Variants in AGL observed in about 807,000 individuals in gnomAD.
AGL encodes the protein glycogen debranching enzyme.
A neutral mutation model predicts 199.3 loss-of-function variants in AGL; 128 were observed. That is an observed-to-expected ratio of 0.64 (90% CI 0.56 to 0.74). The LOEUF is 0.74. Ranked by LOEUF, AGL falls within the 30% of genes least tolerant of loss-of-function variation. AGL has a pLI of 0.00. For missense variants in AGL, 1,809 were observed against 1,820.8 expected, an observed-to-expected ratio of 0.99 and a Z score of 0.12; for synonymous variants, 584 against 594.7, an observed-to-expected ratio of 0.98 and a Z score of 0.26.
intron 4 of AGL, among the ~76,000 whole-genome samples, chr1:99,862,948 A>T (rs941159969): frequency 4.0e-5 from 6 of 151,772 alleles, no homozygotes; most frequent in Non-Finnish European, 8.8e-5. Flanking sequence ...TATTAAAAAA[A>T]AATTTTTTTT....
intron 5 of AGL, among the ~76,000 whole-genome samples, chr1:99,867,950 G>A (rs1243160942): frequency 6.6e-6 from 1 of 152,156 alleles, no homozygotes; most frequent in Non-Finnish European, 1.5e-5. Flanking sequence ...GAACCCATTT[G>A]CCCTGGAAAA....
At chr1:99,917,153 C>CA (rs1655185805) in intron 33 of AGL, among the ~76,000 whole-genome samples, 1 of 152,000 alleles carries the variant, frequency 6.6e-6, no homozygotes, top group Non-Finnish European at 1.5e-5. Context: ...CCTGTTAGTT[C>CA]AAAAAACATT....
Position 99,923,044 on chromosome 1 carries a change from T to A in AGL, c.*1393T>A. On this transcript the variant is annotated 3_prime_UTR_variant, in exon 34 of 34. Transcript: ENST00000361915. ...GCTTGAAAGCTCGTGTAATTTACTT[T>A]AAGATTATCTGCCTGCTCTTCTTCA... 1 of 152,252 alleles carries A rather than the reference T, an allele frequency of 6.6e-6. No homozygotes were observed. Among genetic ancestry groups the A allele is most frequent in the East Asian group, 1.9e-4 (1 of 5,182 alleles). The allele number at this position is 152,252 out of a possible 1,614,324, so 9.4% of individuals were successfully genotyped here. A position where few individuals can be genotyped will look rare whatever the true frequency, so the allele number is the denominator to read the frequency against.
intron 10 of AGL, among the ~76,000 whole-genome samples, chr1:99,875,686 T>C (rs1021500752): frequency 5.3e-5 from 8 of 152,204 alleles, no homozygotes; most frequent in African/African-American, 1.9e-4. Context: ...TATTTAATGT[T>C]TCTGGAGGAC....
At position 99,862,375 on chromosome 1, in the gene AGL, G is replaced by A. The variant is rs747039991; in HGVS notation, c.412G>A (p.Gly138Arg). 2 of 1,613,940 alleles carry A rather than the reference G, an allele frequency of 1.2e-6. No homozygotes were observed. Among genetic ancestry groups the A allele is most frequent in the East Asian group, 4.5e-5 (2 of 44,856 alleles). Residue 138 changes from glycine (G) to arginine (R), a missense_variant, in exon 4 of 34, where the codon GGA (glycine) becomes AGA (arginine). Physicochemically the swap from Gly to Arg is moderately radical, Grantham distance 125. Transcript: ENST00000361915. Reference sequence around the variant, plus strand: ...TCAGACATTTTTAGCTAAGTGTTTGGGACCTTTTGATGAATGGGAAAGCAG... The same window carrying A: ...TCAGACATTTTTAGCTAAGTGTTTGAGACCTTTTGATGAATGGGAAAGCAG... ...TLQTFLAKCL[G>R]PFDEWESRLR...
At chr1:99,852,478 T>C in intron 2 of AGL, 2 of 569,056 alleles carry the variant, frequency 3.5e-6, no homozygotes, top group South Asian at 4.2e-5. Context: ...CAAGCAGTTC[T>C]CCTGCCTCAG....
intron 10 of AGL, 105 bp downstream of exon 10, chr1:99,875,560 A>G (rs1651452668): frequency 4.2e-6 from 4 of 948,944 alleles, no homozygotes; most frequent in South Asian, 1.4e-5. Context: ...AGTTCAGTAC[A>G]TTTCTTAAAT....
intron 2 of AGL, among the ~76,000 whole-genome samples, chr1:99,853,167 A>G (rs1259955240): frequency 1.3e-5 from 2 of 152,182 alleles, no homozygotes; most frequent in African/African-American, 4.8e-5. Context: ...TTTGTTATTA[A>G]GTGGTATGTA....
At position 99,884,067 on chromosome 1, in the gene AGL, AT is replaced by A. The variant is rs1370528223; in HGVS notation, c.2309-49del. 3 of 1,498,858 alleles carry A rather than the reference AT, an allele frequency of 2.0e-6. No homozygotes were observed. In the African/African-American group the frequency reaches 4.1e-5, roughly 21 times the overall value. The allele number at this position is 1,498,858 out of a possible 1,614,324, so 92.8% of individuals were successfully genotyped here. A position where few individuals can be genotyped will look rare whatever the true frequency, so the allele number is the denominator to read the frequency against. The stretch of plus-strand genomic sequence containing the variant: ...ATTTGAAACCACTTTAGCCTTCCTA[AT>A]TTTGGATGATTCCATATGAAATTTT... On this transcript the variant is annotated intron_variant, in intron 17 of 33. Coordinates refer to ENST00000361915, the MANE Select transcript of AGL (RefSeq NM_000642.3).
chr1:99,880,337 C>G (rs1651908644), intron 13 of AGL, among the ~76,000 whole-genome samples: 4 of 152,132 alleles, frequency 2.6e-5, no homozygotes. Context: ...TTTTCATCTT[C>G]TACTGGGAGA....
At chr1:99,903,071 C>T (rs1653971826) in intron 27 of AGL, among the ~76,000 whole-genome samples, 1 of 152,106 alleles carries the variant, frequency 6.6e-6, no homozygotes, top group Admixed American at 6.6e-5. Flanking sequence ...ATTGTGGTAA[C>T]TACTTTACCT....
At position 99,922,991 on chromosome 1, in the gene AGL, A is replaced by G. The variant is rs1043068307; in HGVS notation, c.*1340A>G. 3 of 152,148 alleles carry G rather than the reference A, an allele frequency of 2.0e-5. No homozygotes were observed. The highest frequency in any genetic ancestry group is 4.4e-5 in the Non-Finnish European group (3 of 67,966). The allele number at this position is 152,148 out of a possible 1,614,324, so 9.4% of individuals were successfully genotyped here. The stretch of plus-strand genomic sequence containing the variant: ...TAAAACTTCTGGGCAGCAAAAATAT[A>G]TAAATGCTTCAGATGTCAAATACCC... On this transcript the variant is annotated 3_prime_UTR_variant, in exon 34 of 34. Coordinates refer to ENST00000361915, the MANE Select transcript of AGL (RefSeq NM_000642.3).
intron 2 of AGL, among the ~76,000 whole-genome samples, chr1:99,855,062 G>A (rs553935746): frequency 4.6e-5 from 7 of 151,828 alleles, no homozygotes; most frequent in Non-Finnish European, 8.8e-5. Flanking sequence ...TTAGCCAGGC[G>A]TGCTGGCGGG....
intron 29 of AGL, 80 bp downstream of exon 29, chr1:99,912,597 T>C: frequency 2.0e-6 from 2 of 996,954 alleles, no homozygotes; most frequent in Non-Finnish European, 3.1e-6. Flanking sequence ...CATTTGATTC[T>C]ATCAGCTAAT....
At position 99,870,870 on chromosome 1, in the gene AGL, G is replaced by T. The variant is rs1553184657; in HGVS notation, c.958+1G>T. ...CAATTTAGAAGACTTCTTACACAAG[G>T]TAAAGGATACATACTAGAATGTTCC... On this transcript the variant is annotated splice_donor_variant, in intron 7 of 33. Coordinates refer to ENST00000361915, the MANE Select transcript of AGL (RefSeq NM_000642.3). LOFTEE classifies it high-confidence loss of function. The T allele has an allele frequency of 4.5e-6, 7 of 1,539,452 alleles. No homozygotes were observed. Among genetic ancestry groups the T allele is most frequent in the Non-Finnish European group, 6.3e-6 (7 of 1,112,872 alleles).
intron 20 of AGL, 108 bp from the exon 21 acceptor site, chr1:99,887,870 A>G (rs1000273646): frequency 7.7e-7 from 1 of 1,292,284 alleles, no homozygotes; most frequent in Non-Finnish European, 1.1e-6. Context: ...TTCCTAAAAC[A>G]TACACTGCTA....
rs759727721 is a variant in AGL, at chr1:99,884,424, T to TGTCTC, written c.2520_2524dup (p.Pro842ArgfsTer28). On this transcript the variant is annotated frameshift_variant, in exon 19 of 34. Coordinates refer to ENST00000361915, the MANE Select transcript of AGL (RefSeq NM_000642.3). LOFTEE classifies it high-confidence loss of function. ...ATTCAAGAAATAGAATTTGAAAACT[T>TGTCTC]GTCTCCAGGAAGTGTTATTATATTC... 1 of 1,612,858 alleles carries TGTCTC rather than the reference T, an allele frequency of 6.2e-7. No homozygotes were observed. The highest frequency in any genetic ancestry group is 2.2e-5 in the East Asian group (1 of 44,812).
At chr1:99,911,555 GTC>G (rs1367838683) in intron 28 of AGL, among the ~76,000 whole-genome samples, 4 of 152,036 alleles carry the variant, frequency 2.6e-5, no homozygotes, top group Non-Finnish European at 5.9e-5. Context: ...CAATTCTCCT[GTC>G]TCAGCCTCCC....
chr1:99,915,464 G>T lies in AGL; in HGVS notation c.4237G>T (p.Gly1413Cys). ...AGAAAAAAAATTGCTTGGTCCCCTT[G>T]GCATGAAAACTTTAGATCCAGAGTA... ...IAEKKLLGPL[G>C]MKTLDPDDMV... The change falls in exon 31 of 34, where the codon GGC becomes TGC. Residue 1413 changes from glycine to cysteine, a missense_variant. Coordinates refer to ENST00000361915, the MANE Select transcript of AGL (RefSeq NM_000642.3). The T allele has an allele frequency of 6.2e-7, 1 of 1,612,442 alleles. No individual in the cohort carries two copies. Among genetic ancestry groups the T allele is most frequent in the Non-Finnish European group, 8.5e-7 (1 of 1,178,906 alleles).
Sources: gnomAD v4.1 joint callset for allele counts (sites outside exome capture counted in the v4.1 genomes callset) on GRCh38, gnomAD v4.1.1 for gene constraint, MANE v1.5 for transcripts, NCBI Gene and HGNC (gene_info 2026-07-23, HGNC 2026-07-21) for gene names.